The following SMS variants were observed in gnomAD, a reference collection of about 807,000 sequenced individuals.
SMS encodes the protein spermine synthase.
Under a neutral mutation model 33.0 loss-of-function variants are expected in SMS, and 3 were observed. The observed-to-expected ratio is 0.09, with a 90% CI of 0.04 to 0.23. The LOEUF (loss-of-function observed/expected upper bound fraction) is 0.23, where lower values mean the gene tolerates loss of function less well. Among genes scored for constraint, SMS ranks in the 10% least tolerant of loss-of-function variants. The probability of loss-of-function intolerance (pLI) is 1.00; values close to 1 mark genes in which losing one functional copy is unlikely to be tolerated. For missense variants in SMS, 117 were observed against 288.6 expected (o/e 0.41, Z 4.31); for synonymous variants, 103 against 112.2 (o/e 0.92, Z 0.52).
At chrX:21,950,451 T>TAA in intron 1 of SMS, among the ~76,000 whole-genome samples, 1 of 107,262 alleles carries the variant, frequency 9.3e-6, no homozygotes, top group African/African-American at 3.4e-5. Flanking sequence ...TTTTTTTTTT[T>TAA]TTTAATTTGA....
chrX:21,944,544 A>AAAAAAAAAAAAAAG (rs1555992699), intron 1 of SMS, among the ~76,000 whole-genome samples: 1 of 99,058 alleles, frequency 1.0e-5, no homozygotes, highest in Non-Finnish European at 2.0e-5. Context: ...AAAAAAAAAA[A>AAAAAAAAAAAAAAG]AGAAAAAAAA....
chrX:21,957,153 C>CTT (rs111845628), intron 1 of SMS, among the ~76,000 whole-genome samples: 8 of 91,170 alleles, frequency 8.8e-5, no homozygotes, highest in East Asian at 6.9e-4. Context: ...AAACCAACTA[C>CTT]TTTTTTTTTT....
intron 1 of SMS, among the ~76,000 whole-genome samples, chrX:21,947,405 G>A (rs954474885): frequency 7.2e-5 from 8 of 111,435 alleles, no homozygotes; most frequent in Non-Finnish European, 1.1e-4. Flanking sequence ...TTAATCATCT[G>A]CCTCACAGTA....
intron 7 of SMS, among the ~76,000 whole-genome samples, chrX:21,979,686 T>C (rs912771579): frequency 2.7e-5 from 3 of 111,004 alleles, no homozygotes; most frequent in Non-Finnish European, 5.6e-5. Context: ...GTCTTTATAG[T>C]AGAATGACTT....
rs34507903 is a variant in SMS, at chrX:21,940,733, A to G, written c.-92A>G. ...TAGTCCTGGCCTCCCCGGGCGCAGCACACTCCCAGCCGGCCGCAGCCTGAC... is the reference window on the plus strand; with the variant it reads ...TAGTCCTGGCCTCCCCGGGCGCAGCGCACTCCCAGCCGGCCGCAGCCTGAC... On this transcript the variant is annotated 5_prime_UTR_variant, in exon 1 of 11. Coordinates refer to ENST00000404933, the MANE Select transcript of SMS (RefSeq NM_004595.5). 193,200 of 741,930 alleles carry G rather than the reference A, an allele frequency of 0.26. 20,950 individuals are homozygous for G. The highest frequency in any genetic ancestry group is 0.62 in the African/African-American group (26,652 of 43,238). The allele number at this position is 741,930 out of a possible 1,213,427, so 61.1% of individuals were successfully genotyped here. A position where few individuals can be genotyped will look rare whatever the true frequency, so the allele number is the denominator to read the frequency against.
intron 7 of SMS, among the ~76,000 whole-genome samples, chrX:21,980,425 A>AT (rs1556001639): frequency 8.8e-5 from 7 of 79,755 alleles, no homozygotes; most frequent in African/African-American, 2.7e-4. Context: ...CAAAAAAAAA[A>AT]AAAAATATAT....
intron 1 of SMS, among the ~76,000 whole-genome samples, chrX:21,947,353 TCA>T (rs1462916397): frequency 1.8e-5 from 2 of 111,526 alleles, no homozygotes; most frequent in African/African-American, 6.5e-5. Flanking sequence ...ACGGACTGAA[TCA>T]CAGTTGGTGG....
At chrX:21,967,455 C>T (rs1288731434) in intron 2 of SMS, 139 bp downstream of exon 2, 1 of 639,579 alleles carries the variant, frequency 1.6e-6, no homozygotes, top group South Asian at 2.4e-5. Context: ...CTTGGTGCTT[C>T]TCAACCGTAG....
At chrX:21,975,521 A>G (rs1001569382) in intron 4 of SMS, among the ~76,000 whole-genome samples, 3 of 111,129 alleles carry the variant, frequency 2.7e-5, no homozygotes, top group African/African-American at 9.8e-5. Flanking sequence ...CGTTCATCCA[A>G]TGCCATGGGT....
chrX:21,960,031 A>C (rs978424759), intron 1 of SMS: 11 of 433,246 alleles, frequency 2.5e-5, no homozygotes, highest in Non-Finnish European at 3.0e-5. Flanking sequence ...GTCTGTGTGT[A>C]CATCCGTGTG....
At chrX:21,991,792 T>G (rs1220858258) in intron 9 of SMS, among the ~76,000 whole-genome samples, 2 of 112,246 alleles carry the variant, frequency 1.8e-5, no homozygotes, top group African/African-American at 6.5e-5. Context: ...CATCTCTTGA[T>G]TATCTTCACC....
At chrX:21,993,790 G>A (rs1467827427) in intron 10 of SMS, among the ~76,000 whole-genome samples, 1 of 111,944 alleles carries the variant, frequency 8.9e-6, no homozygotes, top group Non-Finnish European at 1.9e-5. Context: ...CATGTTGGGA[G>A]ATTTGAGAAA....
rs761021695 is a variant in SMS at position 21,992,584 on chromosome X, C to T, written c.946-13C>T. ...ACTCAAGAATCCCATTTGCTTATCT[C>T]TCTTTGATTTAGGGGAACTGTGTCA... is the stretch of plus-strand genomic sequence containing the variant. On this transcript the variant is annotated splice_polypyrimidine_tract_variant and intron_variant, in intron 9 of 10. Coordinates refer to ENST00000404933, the MANE Select transcript of SMS (RefSeq NM_004595.5). The T allele has an allele frequency of 3.6e-5, 40 of 1,122,060 alleles. No homozygotes were observed. In the South Asian group the frequency reaches 4.7e-4, roughly 13 times the overall value. The allele number at this position is 1,122,060 out of a possible 1,213,427, so 92.5% of individuals were successfully genotyped here.
intron 1 of SMS, among the ~76,000 whole-genome samples, chrX:21,943,665 T>C (rs986516691): frequency 1.8e-5 from 2 of 111,242 alleles, no homozygotes; most frequent in African/African-American, 6.6e-5. Context: ...TATGTATGCA[T>C]CTGTCAGACC....
At chrX:21,945,398 G>A (rs1922141391) in intron 1 of SMS, among the ~76,000 whole-genome samples, 2 of 111,273 alleles carry the variant, frequency 1.8e-5, no homozygotes, top group South Asian at 3.8e-4. Context: ...GATTTGTGTC[G>A]CTCAAATTCA....
At chrX:21,960,552 A>G (rs1439823078) in intron 1 of SMS, among the ~76,000 whole-genome samples, 1 of 112,075 alleles carries the variant, frequency 8.9e-6, no homozygotes, top group African/African-American at 3.2e-5. Flanking sequence ...TATATTTTCT[A>G]ATTTTAAAAA....
intron 10 of SMS, 145 bp downstream of exon 10, chrX:21,992,857 T>A (rs1925849313): frequency 2.4e-6 from 1 of 410,607 alleles, no homozygotes; most frequent in African/African-American, 2.5e-5. Flanking sequence ...AGGTGCACAT[T>A]GGAATCCCCT....
At chrX:21,972,936 A>T (rs1207367595) in intron 4 of SMS, among the ~76,000 whole-genome samples, 1 of 108,141 alleles carries the variant, frequency 9.2e-6, no homozygotes, top group East Asian at 2.9e-4. Context: ...AAAAAAAAAA[A>T]AAAATTCAGA....
At chrX:21,956,757 C>T (rs181686755) in intron 1 of SMS, among the ~76,000 whole-genome samples, 5 of 112,089 alleles carry the variant, frequency 4.5e-5, no homozygotes, top group Admixed American at 9.4e-5. Context: ...TGTGAGCCAC[C>T]GTGCCCGGTG....
Sources: allele counts gnomAD v4.1 joint callset (sites outside exome capture counted in the v4.1 genomes callset), GRCh38; gene constraint gnomAD v4.1.1; transcripts MANE v1.5; gene names NCBI Gene and HGNC (gene_info 2026-07-23, HGNC 2026-07-21).